Variants in TTC6 observed in about 807,000 individuals in gnomAD.
The protein encoded by TTC6 is tetratricopeptide repeat domain 6.
TTC6 carries 172 observed loss-of-function variants against 210.4 expected under a neutral mutation model. That is an observed-to-expected ratio of 0.82 (90% CI 0.72 to 0.93). The LOEUF is 0.93. Ranked by LOEUF, TTC6 falls within the 40% of genes least tolerant of loss-of-function variation. The pLI is 0.00. For synonymous variants in TTC6, 804 were observed against 819.6 expected (o/e 0.98, Z 0.32); for missense variants, 2,414 against 2,318.1 (o/e 1.04, Z -0.85).
intron 4 of TTC6, among the ~76,000 whole-genome samples, chr14:37,700,750 CAAAAAAAAAAAAAAAA>C (rs35091344): frequency 3.2e-5 from 2 of 62,286 alleles, no homozygotes; most frequent in African/African-American, 1.5e-4. Flanking sequence ...CTCCATCTCA[CAAAAAAAAAAAAAAAA>C]AAAAAAAAGC....
At chr14:37,751,009 G>A (rs1393251443) in intron 12 of TTC6, 44 bp from the exon 15 acceptor site, 5 of 1,333,200 alleles carry the variant, frequency 3.8e-6, no homozygotes, top group Non-Finnish European at 5.0e-6. Flanking sequence ...TCATAGGAAT[G>A]AAAGGATTAT....
intron 7 of TTC6, among the ~76,000 whole-genome samples, chr14:37,727,419 G>A (rs979387632): frequency 2.0e-5 from 3 of 147,396 alleles, no homozygotes; most frequent in East Asian, 2.1e-4. Flanking sequence ...TCAGCCTCCC[G>A]AGTAGCCGGG....
intron 1 of TTC6, among the ~76,000 whole-genome samples, chr14:37,597,771 C>T (rs2095607281): frequency 6.6e-6 from 1 of 152,124 alleles, no homozygotes; most frequent in East Asian, 1.9e-4. Flanking sequence ...TTCCCGCAGG[C>T]GCCTCCGGGG....
chr14:37,748,885 T>TA, intron 10 of TTC6, 54 bp from the exon 13 acceptor site: 1 of 1,346,040 alleles, frequency 7.4e-7, no homozygotes, highest in Non-Finnish European at 9.8e-7. Context: ...ATTTACTGAT[T>TA]AGAAAGATGA....
intron 15 of TTC6, among the ~76,000 whole-genome samples, chr14:37,788,007 G>A (rs563256603): frequency 2.0e-5 from 3 of 151,882 alleles, no homozygotes; most frequent in African/African-American, 7.2e-5. Context: ...TGCAAACCCA[G>A]TCCTGTTTCC....
At chr14:37,736,261 G>C (rs1323655444) in intron 8 of TTC6, among the ~76,000 whole-genome samples, 1 of 151,974 alleles carries the variant, frequency 6.6e-6, no homozygotes, top group East Asian at 1.9e-4. Flanking sequence ...GGTGGCACGT[G>C]CCTGTATCTC....
At chr14:37,793,727 T>C (rs1358851257) in intron 17 of TTC6, among the ~76,000 whole-genome samples, 1 of 152,098 alleles carries the variant, frequency 6.6e-6, no homozygotes, top group Non-Finnish European at 1.5e-5. Flanking sequence ...GATAGCAAGG[T>C]GTAAGGATAT....
chr14:37,756,580 C>CT (rs2095968474), intron 14 of TTC6, among the ~76,000 whole-genome samples: 1 of 152,116 alleles, frequency 6.6e-6, no homozygotes, highest in African/African-American at 2.4e-5. Flanking sequence ...TTATTGAAGG[C>CT]TTTTTCTGCA....
chr14:37,808,646 C>G, intron 23 of TTC6, 87 bp from the exon 26 acceptor site: 1 of 697,566 alleles, frequency 1.4e-6, no homozygotes. Flanking sequence ...GTTTCAAAAA[C>G]TCTGATAGAA....
At chr14:37,757,674 C>G (rs1289352803) in intron 14 of TTC6, among the ~76,000 whole-genome samples, 1 of 152,070 alleles carries the variant, frequency 6.6e-6, no homozygotes. Flanking sequence ...TTTTTCATGT[C>G]TCTACCTCCT....
chr14:37,630,603 G>A (rs2095667636), intron 1 of TTC6, among the ~76,000 whole-genome samples: 1 of 152,090 alleles, frequency 6.6e-6, no homozygotes, highest in Non-Finnish European at 1.5e-5. Flanking sequence ...GGTTTGCTTG[G>A]TCCAGAGCTG....
At chr14:37,842,274 T>C in exon 31 of TTC6, 1 of 1,604,010 alleles carries the variant, frequency 6.2e-7, no homozygotes, top group Non-Finnish European at 8.5e-7. Context: ...TCTTGAAGAC[T>C]ATGCCTCAGT....
intron 20 of TTC6, among the ~76,000 whole-genome samples, chr14:37,803,754 C>T (rs2096112257): frequency 6.6e-6 from 1 of 152,082 alleles, no homozygotes; most frequent in Non-Finnish European, 1.5e-5. Flanking sequence ...GATATAGATT[C>T]ATCGAAAAGT....
At chr14:37,707,115 C>A (rs1478236322) in intron 5 of TTC6, among the ~76,000 whole-genome samples, 1 of 151,964 alleles carries the variant, frequency 6.6e-6, no homozygotes, top group African/African-American at 2.4e-5. Context: ...ATACAGAAAT[C>A]TGAAACCAAC....
intron 5 of TTC6, among the ~76,000 whole-genome samples, chr14:37,707,832 A>G (rs34256053): frequency 0.057 from 8,718 of 152,120 alleles, 386 homozygotes; most frequent in Non-Finnish European, 0.09. Context: ...GATTTACCAA[A>G]CATTTTTGAC....
chr14:37,729,570 C>T (rs2095880729), intron 7 of TTC6, among the ~76,000 whole-genome samples: 1 of 152,162 alleles, frequency 6.6e-6, no homozygotes, highest in Non-Finnish European at 1.5e-5. Context: ...GCAATTTTGG[C>T]TCAGGGACTT....
intron 1 of TTC6, among the ~76,000 whole-genome samples, chr14:37,597,536 CAT>C (rs976238186): frequency 3.4e-5 from 3 of 89,004 alleles, no homozygotes; most frequent in African/African-American, 1.5e-4. Context: ...TACTAAGTCT[CAT>C]ATTTTCAAAA....
Position 37,687,125 on chromosome 14 carries a change from C to T in TTC6, c.1257+4161C>T, listed in dbSNP as rs570716275. Among the ~76,000 whole-genome samples the T allele has an allele frequency of 2.6e-5, 4 of 152,232 alleles. No homozygotes were observed. The East Asian group carries it at 7.8e-4, about 30-fold the overall frequency. On this transcript the variant is annotated intron_variant, in intron 3 of 30. Transcript: ENST00000553443. ...CATTGCTGACACCACCCCTCCCTGA[C>T]CCGTTGGCAGCAGAGGGGTGGTGCA...
chr14:37,609,860 C>G (rs35143297), intron 2 of TTC6, among the ~76,000 whole-genome samples: 11,655 of 152,184 alleles, frequency 0.077, 556 homozygotes, highest in Middle Eastern at 0.15. Flanking sequence ...TGGCCTGAAG[C>G]GGCTACTCCT....
Sources: allele counts gnomAD v4.1 joint callset (sites outside exome capture counted in the v4.1 genomes callset), GRCh38; gene constraint gnomAD v4.1.1; transcripts MANE v1.5; gene names NCBI Gene and HGNC (gene_info 2026-07-23, HGNC 2026-07-21).